Variants in DLGAP2 observed in about 807,000 individuals in gnomAD.
DLGAP2 encodes DLG associated protein 2, also known as disks large-associated protein 2.
DLGAP2 carries 26 observed loss-of-function variants against 100.3 expected under a neutral mutation model. The observed-to-expected ratio is 0.26, with a 90% CI of 0.19 to 0.36. DLGAP2 has a LOEUF of 0.36. Among genes scored for constraint, DLGAP2 ranks in the 10% least tolerant of loss-of-function variants. DLGAP2 has a pLI of 1.00. For missense variants in DLGAP2, 1,858 were observed against 1,453.2 expected, an observed-to-expected ratio of 1.28 and a Z score of -4.53; for synonymous variants, 886 against 630.1, an observed-to-expected ratio of 1.41 and a Z score of -6.08.
At chr8:890,162 G>T (rs574127667) in intron 1 of DLGAP2, among the ~76,000 whole-genome samples, 1 of 152,088 alleles carries the variant, frequency 6.6e-6, no homozygotes, top group Non-Finnish European at 1.5e-5. Flanking sequence ...TTTCCGATGG[G>T]AGCCTCCAAA....
intron 1 of DLGAP2, among the ~76,000 whole-genome samples, chr8:851,483 G>A (rs1026832655): frequency 6.6e-6 from 1 of 152,136 alleles, no homozygotes; most frequent in Non-Finnish European, 1.5e-5. Flanking sequence ...GTGTTAATAG[G>A]AAGCACCTAT....
At chr8:1,300,359 T>C (rs1476865121) in intron 3 of DLGAP2, 1 of 152,100 alleles carries the variant, frequency 6.6e-6, no homozygotes, top group African/African-American at 2.4e-5. Context: ...CTGGACTGGA[T>C]TTTACCAGAT....
intron 1 of DLGAP2, among the ~76,000 whole-genome samples, chr8:828,049 C>G (rs1796714996): frequency 6.6e-6 from 1 of 152,124 alleles, no homozygotes; most frequent in Non-Finnish European, 1.5e-5. Context: ...TGACAGACAT[C>G]AAGTACTTAA....
intron 3 of DLGAP2, among the ~76,000 whole-genome samples, chr8:1,455,225 TG>T (rs1055832975): frequency 2.6e-5 from 4 of 152,240 alleles, no homozygotes; most frequent in Non-Finnish European, 5.9e-5. Flanking sequence ...GCGCTCCACG[TG>T]GACGCCCAGT....
At chr8:1,462,907 AAC>A (rs1173487817) in intron 3 of DLGAP2, among the ~76,000 whole-genome samples, 5 of 152,360 alleles carry the variant, frequency 3.3e-5, no homozygotes, top group South Asian at 4.1e-4. Flanking sequence ...AAATGGCTCA[AAC>A]ACATGTTGCC....
At chr8:1,466,624 C>T (rs1046015339) in intron 3 of DLGAP2, among the ~76,000 whole-genome samples, 10 of 152,008 alleles carry the variant, frequency 6.6e-5, no homozygotes, top group Admixed American at 2.0e-4. Context: ...GAGAACTTAC[C>T]TAAATTCATA....
At chr8:850,090 G>A (rs953244186) in intron 1 of DLGAP2, among the ~76,000 whole-genome samples, 1 of 149,834 alleles carries the variant, frequency 6.7e-6, no homozygotes, top group South Asian at 2.1e-4. Flanking sequence ...TAGGTTGTTT[G>A]TATTTTAATG....
chr8:1,539,224 G>C (rs182005224), intron 4 of DLGAP2, among the ~76,000 whole-genome samples: 1 of 152,150 alleles, frequency 6.6e-6, no homozygotes, highest in Non-Finnish European at 1.5e-5. Context: ...ATAACTAACA[G>C]CATGTCCACC....
chr8:995,318 T>G (rs1422488237), intron 2 of DLGAP2, among the ~76,000 whole-genome samples: 3 of 152,216 alleles, frequency 2.0e-5, no homozygotes, highest in Admixed American at 2.0e-4. Flanking sequence ...TTTTAAGAAG[T>G]TAAAATCCAA....
chr8:1,236,262 G>GGCGCC (rs1170219730), intron 2 of DLGAP2, among the ~76,000 whole-genome samples: 1 of 51,466 alleles, frequency 1.9e-5, no homozygotes, highest in African/African-American at 9.3e-5. Flanking sequence ...TATCTCACAT[G>GGCGCC]GTGCCGTTTC....
At chr8:1,583,215 T>C (rs1241763170) in intron 6 of DLGAP2, among the ~76,000 whole-genome samples, 1 of 152,206 alleles carries the variant, frequency 6.6e-6, no homozygotes, top group East Asian at 1.9e-4. Context: ...ATTTAAGTCA[T>C]GAGATGGCTC....
chr8:1,170,173 G>A (rs1249179854), intron 2 of DLGAP2, among the ~76,000 whole-genome samples: 1 of 152,128 alleles, frequency 6.6e-6, no homozygotes, highest in Non-Finnish European at 1.5e-5. Context: ...CTGTTTATAT[G>A]CTGGATTACA....
At chr8:1,020,479 C>T (rs184755531) in intron 2 of DLGAP2, among the ~76,000 whole-genome samples, 34 of 152,284 alleles carry the variant, frequency 2.2e-4, no homozygotes, top group Non-Finnish European at 4.1e-4. Context: ...CATGTATTAT[C>T]GCACCTGATT....
chr8:1,412,126 A>T (rs779037434), intron 3 of DLGAP2, among the ~76,000 whole-genome samples: 1 of 151,952 alleles, frequency 6.6e-6, no homozygotes, highest in African/African-American at 2.4e-5. Context: ...GGCTTGCTGC[A>T]TCTCCCTCCT....
chr8:860,621 T>G (rs903299501), intron 1 of DLGAP2, among the ~76,000 whole-genome samples: 3 of 152,236 alleles, frequency 2.0e-5, no homozygotes, highest in African/African-American at 7.2e-5. Flanking sequence ...ATCCCTAACC[T>G]GTCATCCTGG....
At chr8:1,646,943 C>T (rs1369887188) in intron 8 of DLGAP2, among the ~76,000 whole-genome samples, 2 of 152,118 alleles carry the variant, frequency 1.3e-5, no homozygotes, top group Non-Finnish European at 2.9e-5. Context: ...AGAGAAGCGT[C>T]GGAAAGGCCA....
chr8:779,857 T>G (rs1360381321), intron 1 of DLGAP2, among the ~76,000 whole-genome samples: 1 of 152,016 alleles, frequency 6.6e-6, no homozygotes, highest in Admixed American at 6.5e-5. Context: ...AATTTAATTA[T>G]AAATTTATAT....
chr8:1,444,918 G>C (rs775185201), intron 3 of DLGAP2, among the ~76,000 whole-genome samples: 1 of 150,964 alleles, frequency 6.6e-6, no homozygotes, highest in Non-Finnish European at 1.5e-5. Context: ...GATTATAGGC[G>C]TGTGCCCCAT....
chr8:1,295,894 CTTAA>C (rs1459654591), intron 3 of DLGAP2: 1 of 152,186 alleles, frequency 6.6e-6, no homozygotes, highest in Non-Finnish European at 1.5e-5. Flanking sequence ...TTTCAGGAGC[CTTAA>C]TTAATGAAGC....
Sources: gnomAD v4.1 joint callset for allele counts (sites outside exome capture counted in the v4.1 genomes callset) on GRCh38, gnomAD v4.1.1 for gene constraint, MANE v1.5 for transcripts, NCBI Gene and HGNC (gene_info 2026-07-23, HGNC 2026-07-21) for gene names.